SLX4IP: variants seen among roughly 807,000 people sequenced by gnomAD.
SLX4IP encodes the protein protein SLX4IP.
Under a neutral mutation model 32.9 loss-of-function variants are expected in SLX4IP, and 34 were observed. That is an observed-to-expected ratio of 1.03 (90% CI 0.79 to 1.38). The LOEUF (loss-of-function observed/expected upper bound fraction) is 1.38. Among genes scored for constraint, SLX4IP ranks in the 40% most tolerant of loss-of-function variants. SLX4IP has a pLI of 0.00. For synonymous variants in SLX4IP, 172 were observed against 171.7 expected, an observed-to-expected ratio of 1.00 and a Z score of -0.01; for missense variants, 444 against 479.0, an observed-to-expected ratio of 0.93 and a Z score of 0.68.
At chr20:10,455,623 ATTTT>A (rs1279614540) in intron 1 of SLX4IP, among the ~76,000 whole-genome samples, 2,757 of 131,372 alleles carry the variant, frequency 0.021, 99 homozygotes, top group African/African-American at 0.07. Context: ...TTATTTATTT[ATTTT>A]GAGACAGAGT....
Position 10,623,496 on chromosome 20 carries a change from T to A in SLX4IP, c.*117T>A, listed in dbSNP as rs1402972528. On this transcript the variant is annotated 3_prime_UTR_variant, in exon 8 of 8. Coordinates refer to ENST00000334534, the MANE Select transcript of SLX4IP (RefSeq NM_001009608.3). Reference sequence around the variant, plus strand: ...AATTAATTAGAATGACTAATTTAAATAGGAAGTGTGTTATCTGTGTTATGG... The same window carrying A: ...AATTAATTAGAATGACTAATTTAAAAAGGAAGTGTGTTATCTGTGTTATGG... The A allele has an allele frequency of 2.2e-6, 3 of 1,395,142 alleles. No individual in the cohort carries two copies. In the African/African-American group the frequency reaches 4.4e-5, roughly 20 times the overall value. The allele number at this position is 1,395,142 out of a possible 1,614,324, so 86.4% of individuals were successfully genotyped here.
chr20:10,525,049 G>GA (rs1458788661), intron 2 of SLX4IP, among the ~76,000 whole-genome samples: 4 of 151,932 alleles, frequency 2.6e-5, no homozygotes, highest in Admixed American at 6.6e-5. Context: ...GTTTGATAGA[G>GA]AAAAAAGTTC....
chr20:10,531,306 T>C (rs940869755), intron 2 of SLX4IP, among the ~76,000 whole-genome samples: 4 of 152,170 alleles, frequency 2.6e-5, no homozygotes, highest in Non-Finnish European at 5.9e-5. Context: ...ATTGGAAACA[T>C]GGTATATTCT....
At chr20:10,568,354 G>A (rs968403718) in intron 4 of SLX4IP, among the ~76,000 whole-genome samples, 4 of 152,180 alleles carry the variant, frequency 2.6e-5, no homozygotes, top group Admixed American at 6.5e-5. Flanking sequence ...GAAGCTGCGT[G>A]ACTTTCTCTG....
intron 4 of SLX4IP, among the ~76,000 whole-genome samples, chr20:10,575,589 T>C (rs1264626048): frequency 7.0e-6 from 1 of 142,672 alleles, no homozygotes; most frequent in Non-Finnish European, 1.5e-5. Context: ...AGGAGTAACA[T>C]ACATATTTTT....
intron 2 of SLX4IP, among the ~76,000 whole-genome samples, chr20:10,520,591 C>T (rs1191596628): frequency 6.6e-6 from 1 of 151,990 alleles, no homozygotes; most frequent in African/African-American, 2.4e-5. Flanking sequence ...ATTGCCTTAC[C>T]AAGATTATGA....
intron 2 of SLX4IP, among the ~76,000 whole-genome samples, chr20:10,528,208 G>C (rs968296795): frequency 6.6e-6 from 1 of 152,042 alleles, no homozygotes; most frequent in Non-Finnish European, 1.5e-5. Context: ...CTAACTTTGC[G>C]CTATTCTTGC....
chr20:10,572,594 G>C (rs1388943658), intron 4 of SLX4IP, among the ~76,000 whole-genome samples: 1 of 151,970 alleles, frequency 6.6e-6, no homozygotes, highest in Non-Finnish European at 1.5e-5. Flanking sequence ...TTTTTTTACT[G>C]CCTATTATTC....
intron 4 of SLX4IP, among the ~76,000 whole-genome samples, chr20:10,563,926 T>C (rs934058140): frequency 6.6e-6 from 1 of 152,258 alleles, no homozygotes; most frequent in Non-Finnish European, 1.5e-5. Context: ...TGTTACTTTC[T>C]TCTATTTCTG....
intron 2 of SLX4IP, among the ~76,000 whole-genome samples, chr20:10,535,647 A>G (rs2066035050): frequency 6.6e-6 from 1 of 152,140 alleles, no homozygotes; most frequent in Non-Finnish European, 1.5e-5. Context: ...TGTCTAGGGT[A>G]AGAGTCAAGG....
chr20:10,571,992 C>T (rs1269127264), intron 4 of SLX4IP, among the ~76,000 whole-genome samples: 2 of 152,118 alleles, frequency 1.3e-5, no homozygotes, highest in Non-Finnish European at 2.9e-5. Flanking sequence ...CCCACCCCAC[C>T]CCAGGTCTTT....
chr20:10,620,055 C>T (rs1417682515), intron 6 of SLX4IP, among the ~76,000 whole-genome samples: 1 of 152,132 alleles, frequency 6.6e-6, no homozygotes, highest in Non-Finnish European at 1.5e-5. Flanking sequence ...AAGCACATCC[C>T]CTCGGCTTGT....
intron 2 of SLX4IP, among the ~76,000 whole-genome samples, chr20:10,490,842 G>A (rs2065616112): frequency 6.6e-6 from 1 of 152,102 alleles, no homozygotes; most frequent in Non-Finnish European, 1.5e-5. Context: ...GAGCCAGTTT[G>A]CATTCATTCT....
At chr20:10,558,609 A>C (rs150224210) in intron 3 of SLX4IP, among the ~76,000 whole-genome samples, 1 of 152,184 alleles carries the variant, frequency 6.6e-6, no homozygotes, top group African/African-American at 2.4e-5. Context: ...AACTAATTAC[A>C]TGTATTAACA....
chr20:10,462,388 C>G (rs1168876440), intron 2 of SLX4IP, among the ~76,000 whole-genome samples: 1 of 152,172 alleles, frequency 6.6e-6, no homozygotes, highest in Non-Finnish European at 1.5e-5. Context: ...GTATATCATC[C>G]TAAAATTTCA....
In SLX4IP at chr20:10,521,300, C is replaced by T. The variant is rs554129341; in HGVS notation, c.28-34931C>T. ...CTGTGTTTTTGTTCTGTGAGTCATC[C>T]TTCCTGGACTCCTCTCTCTTGTTCC... On this transcript the variant is annotated intron_variant, in intron 2 of 7. Coordinates refer to ENST00000334534, the MANE Select transcript of SLX4IP (RefSeq NM_001009608.3). Among the ~76,000 whole-genome samples, 8 of 152,214 alleles carry T rather than the reference C, an allele frequency of 5.3e-5. No individual in the cohort carries two copies. In the East Asian group the frequency reaches 1.5e-3, roughly 29 times the overall value.
At chr20:10,445,932 G>GTTTTTTTTTT in intron 1 of SLX4IP, among the ~76,000 whole-genome samples, 1 of 126,240 alleles carries the variant, frequency 7.9e-6, no homozygotes, top group Non-Finnish European at 1.6e-5. Flanking sequence ...GGCTGAGATT[G>GTTTTTTTTTT]CTTTTTTTTT....
intron 2 of SLX4IP, among the ~76,000 whole-genome samples, chr20:10,466,739 T>C (rs527998674): frequency 2.6e-5 from 4 of 152,240 alleles, no homozygotes; most frequent in African/African-American, 9.6e-5. Context: ...TGTCTACTTT[T>C]TATTTTGGGA....
At chr20:10,589,539 T>G (rs564809376) in intron 4 of SLX4IP, among the ~76,000 whole-genome samples, 1 of 152,218 alleles carries the variant, frequency 6.6e-6, no homozygotes, top group Non-Finnish European at 1.5e-5. Flanking sequence ...GATAAGCTAG[T>G]GGAATAAAGT....
Sources: allele counts gnomAD v4.1 joint callset (sites outside exome capture counted in the v4.1 genomes callset), GRCh38; gene constraint gnomAD v4.1.1; transcripts MANE v1.5; gene names NCBI Gene and HGNC (gene_info 2026-07-23, HGNC 2026-07-21).